HIVEP3: variants seen among roughly 807,000 people sequenced by gnomAD.
The protein encoded by HIVEP3 is HIVEP zinc finger 3.
HIVEP3 carries 49 observed loss-of-function variants against 152.8 expected under a neutral mutation model. The ratio of observed to expected loss-of-function variants is 0.32; its 90% CI spans 0.26 to 0.41. The LOEUF is 0.41. Ranked by LOEUF, HIVEP3 falls within the 10% of genes least tolerant of loss-of-function variation. The pLI, the probability that HIVEP3 is intolerant of heterozygous loss-of-function variation, is 1.00. For missense variants in HIVEP3, 2,790 were observed against 3,103.3 expected, an observed-to-expected ratio of 0.90 and a Z score of 2.40; for synonymous variants, 1,269 against 1,289.0, an observed-to-expected ratio of 0.98 and a Z score of 0.33.
At chr1:41,790,027 T>C (rs1649597090) in intron 1 of HIVEP3, among the ~76,000 whole-genome samples, 1 of 152,068 alleles carries the variant, frequency 6.6e-6, no homozygotes, top group Non-Finnish European at 1.5e-5. Context: ...CAAAACAGGG[T>C]CAGGTGCTAC....
In HIVEP3 at chr1:41,582,885, G is replaced by C; in HGVS notation, c.1913C>G (p.Thr638Arg). The C allele has an allele frequency of 6.2e-7, 1 of 1,614,126 alleles. No individual in the cohort carries two copies. The highest frequency in any genetic ancestry group is 8.5e-7 in the Non-Finnish European group (1 of 1,180,032). The change falls in exon 4 of 9, where the codon ACA (threonine) becomes AGA (arginine). Residue 638 changes from threonine (T) to arginine (R), a missense_variant. Thr to Arg is a moderately conservative substitution (Grantham distance 71). Around this residue, in one of 9 missense-constraint regions of HIVEP3, gnomAD observed 339 missense variants for 327.0 expected, o/e 1.04. Coordinates refer to ENST00000372583, the MANE Select transcript of HIVEP3 (RefSeq NM_024503.5). The surrounding 1 kb of genome is among the most constrained non-coding windows in gnomAD (Gnocchi z 4.7). The stretch of plus-strand genomic sequence containing the variant: ...GTTACATTCGTAGATCACCCCTTTT[G>C]TTTTCAAACCCTTCTTGGTCTTTTT... ...LTKKTKKGLKTKGVIYECNIC... is the reference protein window; with the variant it reads ...LTKKTKKGLKRKGVIYECNIC...
chr1:41,891,987 T>A (rs1335736958), intron 1 of HIVEP3, among the ~76,000 whole-genome samples: 2 of 152,118 alleles, frequency 1.3e-5, no homozygotes, highest in Admixed American at 1.3e-4. Flanking sequence ...ATATCAACAC[T>A]CATTTAGTGC....
At position 41,835,784 on chromosome 1, in the gene HIVEP3, C is replaced by G. The variant is rs528609461; in HGVS notation, c.-801+82629G>C. ...AGGGAAAGTGCATTTTAACAAGCCA[C>G]TTTGACAGACTGATGAACAGTGGAC... On this transcript the variant is annotated intron_variant, in intron 1 of 8. Coordinates refer to ENST00000372583, the MANE Select transcript of HIVEP3 (RefSeq NM_024503.5). Among the ~76,000 whole-genome samples the G allele has an allele frequency of 3.3e-5, 5 of 152,322 alleles. No individual in the cohort carries two copies. In the East Asian group the frequency reaches 9.6e-4, roughly 29 times the overall value.
At position 41,581,079 on chromosome 1, in the gene HIVEP3, A is replaced by C. The variant is rs1234316819; in HGVS notation, c.3719T>G (p.Leu1240Arg). ...AAGTGCAAACTGGGATTGCAGAGGC[A>C]GGAAAAACCCAGAAGACAGTGCTGA... ...TSSALSSGFF[L>R]PLQSQFALQL... The change falls in exon 4 of 9, where the codon CTG becomes CGG. Residue 1240 changes from leucine (L) to arginine (R), a missense_variant. Around this residue, in one of 9 missense-constraint regions of HIVEP3, gnomAD observed 1,078 missense variants for 1,165.3 expected, o/e 0.93. Coordinates refer to ENST00000372583, the MANE Select transcript of HIVEP3 (RefSeq NM_024503.5). This position sits in a 1 kb window ranked among gnomAD's most constrained non-coding sequence, Gnocchi z 4.5. 6.4e-7 allele frequency: 1 copy of C among 1,558,952 alleles called. No homozygotes were observed. Among genetic ancestry groups the C allele is most frequent in the South Asian group, 1.2e-5 (1 of 81,338 alleles).
At chr1:41,851,573 T>C (rs546078790) in intron 1 of HIVEP3, among the ~76,000 whole-genome samples, 1 of 152,242 alleles carries the variant, frequency 6.6e-6, no homozygotes, top group Admixed American at 6.5e-5. Flanking sequence ...AGTGCTGGGA[T>C]TACAGGCGTG....
At chr1:41,994,391 A>G (rs1422904351) in intron 1 of HIVEP3, among the ~76,000 whole-genome samples, 1 of 152,146 alleles carries the variant, frequency 6.6e-6, no homozygotes, top group African/African-American at 2.4e-5. Context: ...ATTTGGCGCT[A>G]TGTCCCCACC....
chr1:41,780,645 A>G (rs1648989522), intron 1 of HIVEP3, among the ~76,000 whole-genome samples: 1 of 152,222 alleles, frequency 6.6e-6, no homozygotes, highest in Non-Finnish European at 1.5e-5. Context: ...AAACCAGTGA[A>G]TAGACACAAA....
intron 5 of HIVEP3, among the ~76,000 whole-genome samples, chr1:41,549,029 C>T (rs888409081): frequency 1.3e-5 from 2 of 151,946 alleles, no homozygotes; most frequent in African/African-American, 4.8e-5. Flanking sequence ...CCCCCTGCCC[C>T]CCACCCCCCA....
chr1:41,749,890 C>G (rs1004168006), intron 1 of HIVEP3, among the ~76,000 whole-genome samples: 3 of 152,188 alleles, frequency 2.0e-5, no homozygotes, highest in Non-Finnish European at 4.4e-5. Flanking sequence ...AGCTCTAGCT[C>G]TCACAGAATC....
chr1:41,668,317 CGA>C (rs763678553), intron 2 of HIVEP3, among the ~76,000 whole-genome samples: 2 of 152,192 alleles, frequency 1.3e-5, no homozygotes, highest in African/African-American at 4.8e-5. Context: ...AAGACATGGG[CGA>C]GAGAGATGAA....
chr1:41,808,057 T>C (rs909047416), intron 1 of HIVEP3, among the ~76,000 whole-genome samples: 4 of 152,234 alleles, frequency 2.6e-5, no homozygotes, highest in Admixed American at 2.6e-4. Context: ...GGGCATCCAC[T>C]ATGGGCTAGA....
intron 1 of HIVEP3, among the ~76,000 whole-genome samples, chr1:41,794,985 T>C (rs2124303758): frequency 6.6e-6 from 1 of 152,350 alleles, no homozygotes; most frequent in East Asian, 1.9e-4. Flanking sequence ...TGGAATGTAG[T>C]GGCACAATCA....
intron 5 of HIVEP3, among the ~76,000 whole-genome samples, chr1:41,530,262 G>T (rs1030422608): frequency 3.9e-5 from 6 of 152,248 alleles, no homozygotes; most frequent in African/African-American, 1.4e-4. Flanking sequence ...CCTTGCGTCC[G>T]AGAGGACGAA....
chr1:41,607,248 TATCCTCC>T (rs1436611263), intron 3 of HIVEP3, among the ~76,000 whole-genome samples: 1 of 152,258 alleles, frequency 6.6e-6, no homozygotes, highest in African/African-American at 2.4e-5. Flanking sequence ...CCTCTGGATC[TATCCTCC>T]ATGGGTCTTA....
At chr1:41,872,325 T>C (rs926070997) in intron 1 of HIVEP3, among the ~76,000 whole-genome samples, 36 of 152,212 alleles carry the variant, frequency 2.4e-4, no homozygotes, top group Non-Finnish European at 4.7e-4. Flanking sequence ...GCATTTGCCT[T>C]ATTTGAACAC....
rs978081659 is a variant in HIVEP3, at chr1:41,532,854, A to C, written c.5208-7944T>G. ...GAAGGGGATATGTAGATTTGGGAGG[A>C]GGATGACCCCACAAGACAGAAGAGG... On this transcript the variant is annotated intron_variant, in intron 5 of 8. Transcript: ENST00000372583. 2.6e-5 allele frequency among the ~76,000 whole-genome samples: 4 copies of C among 152,276 alleles called. No individual in the cohort carries two copies. The South Asian group carries it at 6.2e-4, about 24-fold the overall frequency.
chr1:41,818,250 A>C (rs1191040920), intron 1 of HIVEP3, among the ~76,000 whole-genome samples: 4 of 152,220 alleles, frequency 2.6e-5, no homozygotes, highest in African/African-American at 9.6e-5. Flanking sequence ...TCAAAAACCC[A>C]AACTAAACAC....
chr1:41,903,809 G>C (rs1644665229), intron 1 of HIVEP3, among the ~76,000 whole-genome samples: 1 of 151,910 alleles, frequency 6.6e-6, no homozygotes, highest in Non-Finnish European at 1.5e-5. Context: ...GGTCAGCAAG[G>C]ATGCACTGGG....
At chr1:41,809,220 G>A (rs1171945408) in intron 1 of HIVEP3, among the ~76,000 whole-genome samples, 1 of 152,222 alleles carries the variant, frequency 6.6e-6, no homozygotes, top group Non-Finnish European at 1.5e-5. Flanking sequence ...TGAGGCACAG[G>A]TCTCTTCCAG....
Sources: gnomAD v4.1 joint callset for allele counts (sites outside exome capture counted in the v4.1 genomes callset) on GRCh38, gnomAD v4.1.1 for gene constraint, gnomAD v4.1.1 regional missense constraint, Gnocchi (gnomAD v3.1) non-coding constraint, MANE v1.5 for transcripts, NCBI Gene and HGNC (gene_info 2026-07-23, HGNC 2026-07-21) for gene names.